MEI4: variants seen among roughly 807,000 people sequenced by gnomAD.
MEI4 encodes meiosis-specific protein MEI4.
MEI4 carries 27 observed loss-of-function variants against 31.4 expected under a neutral mutation model. The ratio of observed to expected loss-of-function variants is 0.86; its 90% confidence interval spans 0.63 to 1.19. The LOEUF is 1.19. Among genes scored for constraint, MEI4 ranks in the 50% most tolerant of loss-of-function variants. The pLI, the probability that MEI4 is intolerant of heterozygous loss-of-function variation, is 0.00. For missense variants in MEI4, 329 were observed against 398.9 expected, an observed-to-expected ratio of 0.82 and a Z score of 1.49; for synonymous variants, 122 against 145.4, an observed-to-expected ratio of 0.84 and a Z score of 1.16.
intron 3 of MEI4, among the ~76,000 whole-genome samples, chr6:77,795,845 A>C (rs967489835): frequency 6.6e-6 from 1 of 152,140 alleles, no homozygotes; most frequent in African/African-American, 2.4e-5. Flanking sequence ...TTTACAGTAG[A>C]ATTAATGCCA....
chr6:77,654,064 G>A (rs1237817847), intron 1 of MEI4, among the ~76,000 whole-genome samples: 1 of 152,224 alleles, frequency 6.6e-6, no homozygotes, highest in African/African-American at 2.4e-5. Flanking sequence ...CTGCAAAGCT[G>A]TAGTGCAAAA....
At position 77,904,315 on chromosome 6, in the gene MEI4, T is replaced by C. The variant is rs193195906; in HGVS notation, c.901-18774T>C. ...GTAGCTTTAATTTTCTTTCCAACTT[T>C]TTTTTGTTTTAGGTTCAGGGAGTAC... On this transcript the variant is annotated intron_variant, in intron 4 of 4. Transcript: ENST00000684080. Among the ~76,000 whole-genome samples, 257 of 152,242 alleles carry C rather than the reference T, an allele frequency of 1.7e-3. 2 individuals carry two copies. Among genetic ancestry groups the C allele is most frequent in the African/African-American group, 6.0e-3 (248 of 41,568 alleles).
In MEI4 at chr6:77,829,040, A is replaced by G. The variant is rs1770019750; in HGVS notation, c.878A>G (p.Asp293Gly). 1 of 1,231,934 alleles carries G rather than the reference A, an allele frequency of 8.1e-7. No homozygotes were observed. The highest frequency in any genetic ancestry group is 1.6e-5 in the African/African-American group (1 of 64,516). The allele number at this position is 1,231,934 out of a possible 1,614,324, so 76.3% of individuals were successfully genotyped here. Residue 293 changes from aspartate to glycine, a missense_variant, in exon 4 of 5, where the codon GAT becomes GGT. Physicochemically the swap from Asp to Gly is moderately conservative, Grantham distance 94 (BLOSUM62 -1). Transcript: ENST00000684080. ...LLLSEVNGFA[D>G]DLGAINQEQA... ...CTATCAGAAGTAAATGGCTTTGCTGATGATCTGGGAGCCATCAATCAGGTA... is the reference window on the plus strand; with the variant it reads ...CTATCAGAAGTAAATGGCTTTGCTGGTGATCTGGGAGCCATCAATCAGGTA...
intron 4 of MEI4, among the ~76,000 whole-genome samples, chr6:77,863,879 C>G (rs1770941474): frequency 6.6e-6 from 1 of 152,222 alleles, no homozygotes; most frequent in Non-Finnish European, 1.5e-5. Context: ...AACAGCTGAT[C>G]TCTTGGCAGA....
chr6:77,826,527 A>G (rs187835814), intron 3 of MEI4, among the ~76,000 whole-genome samples: 191 of 152,340 alleles, frequency 1.3e-3, no homozygotes, highest in African/African-American at 4.4e-3. Flanking sequence ...GTACAGCCTT[A>G]TGATTACTTG....
At chr6:77,793,162 C>A (rs1768984213) in intron 3 of MEI4, among the ~76,000 whole-genome samples, 1 of 151,954 alleles carries the variant, frequency 6.6e-6, no homozygotes, top group Non-Finnish European at 1.5e-5. Context: ...AAAAGGGAGA[C>A]TAATCACATA....
intron 2 of MEI4, among the ~76,000 whole-genome samples, chr6:77,704,581 C>T (rs1489653425): frequency 6.6e-6 from 1 of 152,142 alleles, no homozygotes; most frequent in Non-Finnish European, 1.5e-5. Context: ...ATTCTCAGAT[C>T]CCACCATTCC....
intron 1 of MEI4, among the ~76,000 whole-genome samples, chr6:77,662,366 G>A (rs960243735): frequency 1.3e-5 from 2 of 152,130 alleles, no homozygotes; most frequent in African/African-American, 4.8e-5. Context: ...TGGGGTGAAC[G>A]TCAGGTGGAT....
chr6:77,916,213 T>G (rs1766541838), intron 4 of MEI4, among the ~76,000 whole-genome samples: 1 of 152,066 alleles, frequency 6.6e-6, no homozygotes, highest in South Asian at 2.1e-4. Flanking sequence ...CACTGAGCTT[T>G]TTTTAAAATT....
intron 4 of MEI4, among the ~76,000 whole-genome samples, chr6:77,866,861 G>C (rs952207861): frequency 6.6e-6 from 1 of 152,142 alleles, no homozygotes; most frequent in Non-Finnish European, 1.5e-5. Flanking sequence ...CGTGGTGCTG[G>C]TACCAAAACA....
chr6:77,802,139 T>C (rs1156540623), intron 3 of MEI4, among the ~76,000 whole-genome samples: 3 of 152,190 alleles, frequency 2.0e-5, no homozygotes, highest in African/African-American at 7.2e-5. Context: ...ATGTGCTTTA[T>C]GAATCTGGGT....
intron 3 of MEI4, among the ~76,000 whole-genome samples, chr6:77,804,673 A>G (rs894126535): frequency 1.3e-5 from 2 of 152,130 alleles, no homozygotes; most frequent in African/African-American, 4.8e-5. Flanking sequence ...GAATCATTTG[A>G]CCAGTTTCTG....
intron 4 of MEI4, among the ~76,000 whole-genome samples, chr6:77,841,395 A>G (rs1582203766): frequency 7.7e-6 from 1 of 130,032 alleles, no homozygotes; most frequent in African/African-American, 3.0e-5. Flanking sequence ...GCTGGAGTGC[A>G]ATGGTGTGAT....
chr6:77,652,338 C>G (rs1356907367), upstream of MEI4, among the ~76,000 whole-genome samples: 1 of 152,114 alleles, frequency 6.6e-6, no homozygotes, highest in Admixed American at 6.5e-5. Context: ...TAGAGGAGTG[C>G]TCGTCAGGGT....
At chr6:77,812,954 T>A (rs1291071861) in intron 3 of MEI4, among the ~76,000 whole-genome samples, 2 of 151,964 alleles carry the variant, frequency 1.3e-5, no homozygotes. Flanking sequence ...TTCAGGTGAG[T>A]CTTGCCAAGC....
chr6:77,778,141 G>A lies in MEI4; in HGVS notation c.768+16476G>A, dbSNP rs1029264315. On this transcript the variant is annotated intron_variant, in intron 3 of 4. Transcript: ENST00000684080. ...GAGAGCAGGCAAGAGAGTGCGGGGC[G>A]GGGGGTGGTGGGGTGGGAAGGAAGG... Among the ~76,000 whole-genome samples the A allele has an allele frequency of 6.0e-5, 9 of 150,758 alleles. No individual in the cohort carries two copies. The South Asian group carries it at 8.4e-4, about 14-fold the overall frequency.
chr6:77,732,009 C>T (rs536212428), intron 2 of MEI4, among the ~76,000 whole-genome samples: 1 of 147,174 alleles, frequency 6.8e-6, no homozygotes, highest in South Asian at 2.1e-4. Context: ...GTACCAGTAC[C>T]ATGCTGTTTT....
At chr6:77,790,491 G>A (rs1485372504) in intron 3 of MEI4, among the ~76,000 whole-genome samples, 4 of 151,840 alleles carry the variant, frequency 2.6e-5, no homozygotes, top group Admixed American at 6.6e-5. Flanking sequence ...CACACTAGAT[G>A]TCTAAACTCC....
chr6:77,917,545 G>C (rs1193615456), intron 4 of MEI4, among the ~76,000 whole-genome samples: 1 of 135,938 alleles, frequency 7.4e-6, no homozygotes, highest in African/African-American at 2.9e-5. Context: ...TTTTTCATGT[G>C]TTTTTTGGCT....
Sources: gnomAD v4.1 joint callset for allele counts (sites outside exome capture counted in the v4.1 genomes callset) on GRCh38, gnomAD v4.1.1 for gene constraint, MANE v1.5 for transcripts, NCBI Gene and HGNC (gene_info 2026-07-23, HGNC 2026-07-21) for gene names.